Variants in ADAMTSL3 observed in about 807,000 individuals in gnomAD.
ADAMTSL3 encodes the protein ADAMTS like 3.
A neutral mutation model predicts 201.7 loss-of-function variants in ADAMTSL3; 128 were observed. That is an observed-to-expected ratio of 0.63 (90% CI 0.55 to 0.73). The LOEUF is 0.73. ADAMTSL3 is among the 30% of genes least tolerant of loss of function. The pLI, the probability that ADAMTSL3 is intolerant of heterozygous loss-of-function variation, is 0.00. For missense variants in ADAMTSL3, 1,990 were observed against 2,119.6 expected (o/e 0.94, Z 1.20); for synonymous variants, 738 against 748.4 (o/e 0.99, Z 0.23).
intron 15 of ADAMTSL3, among the ~76,000 whole-genome samples, chr15:83,912,727 G>C (rs912652469): frequency 1.3e-5 from 2 of 152,052 alleles, no homozygotes; most frequent in Admixed American, 6.5e-5. Flanking sequence ...ATAAATATTG[G>C]TGAAAATCTC....
At chr15:83,965,190 A>C (rs2067055125) in intron 19 of ADAMTSL3, among the ~76,000 whole-genome samples, 1 of 152,208 alleles carries the variant, frequency 6.6e-6, no homozygotes, top group South Asian at 2.1e-4. Flanking sequence ...ATTAAATGTA[A>C]ATGGGCTAAA....
intron 4 of ADAMTSL3, among the ~76,000 whole-genome samples, chr15:83,789,001 G>A (rs897892122): frequency 2.6e-5 from 4 of 151,956 alleles, no homozygotes; most frequent in African/African-American, 4.8e-5. Flanking sequence ...AGTAGAGATG[G>A]GGTTTCACCA....
At chr15:83,842,859 T>G (rs2064411527) in intron 7 of ADAMTSL3, among the ~76,000 whole-genome samples, 1 of 152,282 alleles carries the variant, frequency 6.6e-6, no homozygotes, top group Non-Finnish European at 1.5e-5. Context: ...GTAGAGTTAG[T>G]GTTGGCCTTA....
intron 6 of ADAMTSL3, among the ~76,000 whole-genome samples, chr15:83,823,041 G>T: frequency 6.6e-6 from 1 of 151,920 alleles, no homozygotes; most frequent in East Asian, 1.9e-4. Flanking sequence ...AAAAAAATAC[G>T]AAAACCAGTC....
intron 9 of ADAMTSL3, among the ~76,000 whole-genome samples, chr15:83,875,060 A>C (rs549883692): frequency 9.1e-6 from 1 of 109,732 alleles, no homozygotes; most frequent in Non-Finnish European, 1.9e-5. Context: ...TCTAAGAATC[A>C]AATGCCAAGG....
At position 83,892,902 on chromosome 15, in the gene ADAMTSL3, A is replaced by G. The variant is rs773102931; in HGVS notation, c.1467+14A>G. On this transcript the variant is annotated intron_variant, in intron 13 of 29. Coordinates refer to ENST00000286744, the MANE Select transcript of ADAMTSL3 (RefSeq NM_207517.3). Reference sequence around the variant, plus strand: ...GAGTGGTCTCAGGTAAGATTTGAGAATATGCCACTTTTAATTAATTCTCAT... The same window carrying G: ...GAGTGGTCTCAGGTAAGATTTGAGAGTATGCCACTTTTAATTAATTCTCAT... 1.2e-6 allele frequency: 2 copies of G among 1,603,676 alleles called. No homozygotes were observed. Among genetic ancestry groups the G allele is most frequent in the East Asian group, 2.2e-5 (1 of 44,758 alleles).
intron 8 of ADAMTSL3, among the ~76,000 whole-genome samples, chr15:83,864,745 T>G (rs1393816214): frequency 6.6e-6 from 1 of 152,146 alleles, no homozygotes; most frequent in Non-Finnish European, 1.5e-5. Flanking sequence ...TTCAACATAG[T>G]GTTGGAAGTT....
intron 23 of ADAMTSL3, among the ~76,000 whole-genome samples, chr15:84,001,021 AT>A (rs1454927337): frequency 2.0e-5 from 3 of 152,222 alleles, no homozygotes; most frequent in Non-Finnish European, 4.4e-5. Flanking sequence ...TGGATGAAAA[AT>A]TAGAGGAGAA....
chr15:83,886,651 C>T (rs1033833458), intron 10 of ADAMTSL3, among the ~76,000 whole-genome samples: 5 of 152,162 alleles, frequency 3.3e-5, no homozygotes, highest in African/African-American at 1.2e-4. Flanking sequence ...AAATCCTTCT[C>T]CAGCCCAGCC....
intron 3 of ADAMTSL3, among the ~76,000 whole-genome samples, chr15:83,736,779 A>T (rs964212643): frequency 6.6e-6 from 1 of 152,220 alleles, no homozygotes; most frequent in African/African-American, 2.4e-5. Context: ...TCTAGGAGAG[A>T]TGGGAAGCCC....
At chr15:83,987,697 C>A (rs1209477540) in intron 21 of ADAMTSL3, among the ~76,000 whole-genome samples, 5 of 152,118 alleles carry the variant, frequency 3.3e-5, no homozygotes, top group Admixed American at 6.5e-5. Context: ...AATGAAAGAT[C>A]ATGGAATGTT....
At chr15:83,714,840 TTC>T (rs2061986440) in intron 3 of ADAMTSL3, among the ~76,000 whole-genome samples, 1 of 127,298 alleles carries the variant, frequency 7.9e-6, no homozygotes, top group Non-Finnish European at 1.7e-5. Context: ...CTCTCTTTCT[TTC>T]TCTCTCTTTC....
chr15:83,843,212 G>A (rs1465852610), intron 7 of ADAMTSL3, among the ~76,000 whole-genome samples: 3 of 151,542 alleles, frequency 2.0e-5, no homozygotes, highest in South Asian at 2.1e-4. Flanking sequence ...GCCTGTTTAG[G>A]ACATTCCAGG....
At chr15:83,866,711 T>C (rs1279716104) in intron 8 of ADAMTSL3, among the ~76,000 whole-genome samples, 3 of 152,192 alleles carry the variant, frequency 2.0e-5, no homozygotes, top group Non-Finnish European at 4.4e-5. Context: ...TATACATATG[T>C]AACTAACCTG....
At chr15:83,963,643 G>C (rs1265932666) in intron 19 of ADAMTSL3, among the ~76,000 whole-genome samples, 1 of 152,230 alleles carries the variant, frequency 6.6e-6, no homozygotes, top group African/African-American at 2.4e-5. Context: ...TCCCAGCACA[G>C]TGCTCAAGCT....
At chr15:83,731,481 T>C (rs1233524754) in intron 3 of ADAMTSL3, among the ~76,000 whole-genome samples, 1 of 152,040 alleles carries the variant, frequency 6.6e-6, no homozygotes. Flanking sequence ...TGCAGCTATT[T>C]TAGAAAACAG....
At chr15:83,726,869 TTG>T (rs1491553439) in intron 3 of ADAMTSL3, among the ~76,000 whole-genome samples, 71 of 151,834 alleles carry the variant, frequency 4.7e-4, no homozygotes, top group African/African-American at 1.5e-3. Context: ...TCTTTTTTTT[TTG>T]TGTCTTTGGT....
At chr15:83,961,885 A>T (rs763614078) in intron 19 of ADAMTSL3, 7 of 152,254 alleles carry the variant, frequency 4.6e-5, no homozygotes, top group Admixed American at 1.3e-4. Flanking sequence ...CATAAATATC[A>T]GAAATCTTGA....
chr15:83,890,353 G>A, intron 11 of ADAMTSL3, 106 bp downstream of exon 11: 1 of 1,423,492 alleles, frequency 7.0e-7, no homozygotes, highest in Non-Finnish European at 9.4e-7. Flanking sequence ...TCCTGGCTTT[G>A]TCTACTGGCG....
Sources: gnomAD v4.1 joint callset for allele counts (sites outside exome capture counted in the v4.1 genomes callset) on GRCh38, gnomAD v4.1.1 for gene constraint, MANE v1.5 for transcripts, NCBI Gene and HGNC (gene_info 2026-07-23, HGNC 2026-07-21) for gene names.